The following CAPS2 variants were observed in gnomAD, a reference collection of about 807,000 sequenced individuals.
CAPS2 encodes calcyphosine 2.
CAPS2 carries 98 observed loss-of-function variants against 86.5 expected under a neutral mutation model. The observed-to-expected ratio is 1.13, with a 90% CI of 0.96 to 1.34. CAPS2 has a LOEUF of 1.34. CAPS2 is among the 40% of genes most tolerant of loss of function. The probability of loss-of-function intolerance (pLI) is 0.00; values close to 1 mark genes in which losing one functional copy is unlikely to be tolerated. For missense variants in CAPS2, 729 were observed against 686.8 expected, an observed-to-expected ratio of 1.06 and a Z score of -0.69; for synonymous variants, 210 against 225.1, an observed-to-expected ratio of 0.93 and a Z score of 0.60.
At chr12:75,278,858 C>T (rs755633998) in exon 17 of CAPS2, 2 of 1,446,408 alleles carry the variant, frequency 1.4e-6, no homozygotes, top group Non-Finnish European at 1.8e-6. Context: ...CAATAAAATG[C>T]TTAGTGTTGA....
upstream of CAPS2, among the ~76,000 whole-genome samples, chr12:75,333,201 T>C (rs922433529): frequency 2.6e-5 from 4 of 152,010 alleles, no homozygotes; most frequent in Admixed American, 6.5e-5. Flanking sequence ...TATATGCCTA[T>C]AGACATCTGT....
intron 1 of CAPS2, chr12:75,369,718 A>C (rs1264798041): frequency 1.0e-6 from 1 of 985,038 alleles, no homozygotes; most frequent in Non-Finnish European, 1.2e-6. Context: ...TCTGGTTTTG[A>C]CTTTTGTGCC....
intron 5 of CAPS2, among the ~76,000 whole-genome samples, chr12:75,318,754 T>C (rs769262724): frequency 6.6e-6 from 1 of 151,942 alleles, no homozygotes; most frequent in Admixed American, 6.6e-5. Flanking sequence ...TGATTAATCA[T>C]TCCATTGATT....
chr12:75,311,555 A>C (rs2039168673), intron 7 of CAPS2, among the ~76,000 whole-genome samples: 1 of 152,232 alleles, frequency 6.6e-6, no homozygotes, highest in South Asian at 2.1e-4. Flanking sequence ...GGATGAGATC[A>C]CTTAAAAAGC....
At chr12:75,302,047 C>G (rs2037882498) in intron 8 of CAPS2, among the ~76,000 whole-genome samples, 1 of 152,140 alleles carries the variant, frequency 6.6e-6, no homozygotes, top group Non-Finnish European at 1.5e-5. Flanking sequence ...GGGAGGGACC[C>G]TCTAAAACAA....
chr12:75,316,082 T>C (rs1222376939), intron 6 of CAPS2, among the ~76,000 whole-genome samples: 4 of 152,038 alleles, frequency 2.6e-5, no homozygotes, highest in African/African-American at 9.7e-5. Context: ...TTTTGAACAG[T>C]ATAAACTAAA....
At chr12:75,322,249 G>A (rs989404439) in intron 4 of CAPS2, among the ~76,000 whole-genome samples, 3 of 152,040 alleles carry the variant, frequency 2.0e-5, no homozygotes, top group East Asian at 1.9e-4. Flanking sequence ...ATTTCCATGC[G>A]AGTGAGAGAT....
intron 16 of CAPS2, 58 bp from the exon 17 acceptor site, chr12:75,279,123 T>C: frequency 7.5e-7 from 1 of 1,337,696 alleles, no homozygotes; most frequent in Non-Finnish European, 9.9e-7. Flanking sequence ...AAATGACTGA[T>C]GATGATAAAG....
upstream of CAPS2, among the ~76,000 whole-genome samples, chr12:75,329,342 G>A (rs1379790491): frequency 6.6e-6 from 1 of 152,150 alleles, no homozygotes; most frequent in Non-Finnish European, 1.5e-5. Flanking sequence ...GTAGCAAAAG[G>A]AAGGGAAAGC....
upstream of CAPS2, chr12:75,335,033 T>A (rs942974490): frequency 2.1e-5 from 17 of 819,512 alleles, no homozygotes; most frequent in East Asian, 2.4e-4. Flanking sequence ...AAGAAAAAAA[T>A]TCACACCTTG....
At position 75,283,685 on chromosome 12, in the gene CAPS2, G is replaced by A. The variant is rs371565911; in HGVS notation, c.1515+1276C>T. ...AAAAATTAGCCAGGCATCGTGGTGC[G>A]TGCCTATAATCCCAGGTACTTGGGA... is the stretch of plus-strand genomic sequence containing the variant. On this transcript the variant is annotated intron_variant, in intron 15 of 16. Coordinates refer to ENST00000393284, the Ensembl canonical transcript of CAPS2. 7.2e-5 allele frequency among the ~76,000 whole-genome samples: 11 copies of A among 152,134 alleles called. No homozygotes were observed. In the East Asian group the frequency reaches 9.7e-4, roughly 13 times the overall value.
upstream of CAPS2, among the ~76,000 whole-genome samples, chr12:75,332,884 TGACA>T (rs993914429): frequency 3.3e-5 from 5 of 152,152 alleles, no homozygotes; most frequent in African/African-American, 9.7e-5. Flanking sequence ...GGATAGGCAC[TGACA>T]GACAGGGGAT....
At chr12:75,276,228 GT>G, downstream of CAPS2, 1 of 1,540,858 alleles carries the variant, frequency 6.5e-7, no homozygotes, top group Middle Eastern at 1.7e-4. Flanking sequence ...GCATTTTCAT[GT>G]TTGTCCTTGC....
chr12:75,369,797 G>C, intron 1 of CAPS2: 1 of 982,614 alleles, frequency 1.0e-6, no homozygotes. Context: ...ATCGTAAAGA[G>C]TTTTAAGTAC....
chr12:75,301,222 T>A, intron 8 of CAPS2, among the ~76,000 whole-genome samples: 1 of 152,210 alleles, frequency 6.6e-6, no homozygotes, highest in Non-Finnish European at 1.5e-5. Flanking sequence ...GCAGGTATAA[T>A]GAAATGGCAG....
In CAPS2 at chr12:75,325,219, T is replaced by C. The variant is rs2040653280; in HGVS notation, c.131+20A>G. 6 of 1,547,396 alleles carry C rather than the reference T, an allele frequency of 3.9e-6. No individual in the cohort carries two copies. Among genetic ancestry groups the C allele is most frequent in the Non-Finnish European group, 5.2e-6 (6 of 1,145,314 alleles). On this transcript the variant is annotated intron_variant, in intron 2 of 16. Transcript: ENST00000393284. The stretch of plus-strand genomic sequence containing the variant: ...ATATGTGCCCATTAAACAGTCCAAA[T>C]GTGAAGAAACGTAACTTACACTGGT...
downstream of CAPS2, chr12:75,277,011 A>G (rs1035063896): frequency 6.1e-6 from 6 of 984,718 alleles, no homozygotes; most frequent in Admixed American, 1.2e-4. Flanking sequence ...AAATCAAAGA[A>G]GAATGCAGGC....
rs1423202908 is a variant in CAPS2 at position 75,294,892 on chromosome 12, C to CA, written c.1045-1526dup. 4.0e-5 allele frequency among the ~76,000 whole-genome samples: 6 copies of CA among 151,130 alleles called. No homozygotes were observed. The East Asian group carries it at 1.2e-3, about 29-fold the overall frequency. On this transcript the variant is annotated intron_variant, in intron 11 of 16. Coordinates refer to ENST00000393284, the Ensembl canonical transcript of CAPS2. ...ACGTGCATAAGCATAGGAGTCATAC[C>CA]AAAAAAAGAAAAAGAAAAAAAGAAA...
upstream of CAPS2, chr12:75,334,250 T>C (rs1249025004): frequency 1.9e-5 from 3 of 154,728 alleles, no homozygotes; most frequent in Non-Finnish European, 4.3e-5. Flanking sequence ...TCCCAATCTC[T>C]GAGGGAAGTG....
Sources: gnomAD v4.1 joint callset for allele counts (sites outside exome capture counted in the v4.1 genomes callset) on GRCh38, gnomAD v4.1.1 for gene constraint, MANE v1.5 for transcripts, NCBI Gene and HGNC (gene_info 2026-07-23, HGNC 2026-07-21) for gene names.